The following SLC17A6 variants were observed in gnomAD, a reference collection of about 807,000 sequenced individuals.
SLC17A6 encodes solute carrier family 17 member 6.
Under a neutral mutation model 67.1 loss-of-function variants are expected in SLC17A6, and 35 were observed. That is an observed-to-expected ratio of 0.52 (90% CI 0.40 to 0.69). The LOEUF (loss-of-function observed/expected upper bound fraction) is 0.69, where lower values mean the gene tolerates loss of function less well. SLC17A6 is among the 30% of genes least tolerant of loss of function. SLC17A6 has a pLI of 0.00. For missense variants in SLC17A6, 588 were observed against 723.9 expected, an observed-to-expected ratio of 0.81 and a Z score of 2.15; for synonymous variants, 285 against 252.3, an observed-to-expected ratio of 1.13 and a Z score of -1.23.
At chr11:22,347,239 G>C (rs1346652815) in intron 3 of SLC17A6, among the ~76,000 whole-genome samples, 1 of 140,334 alleles carries the variant, frequency 7.1e-6, no homozygotes, top group African/African-American at 2.7e-5. Flanking sequence ...AAGGTGTTTG[G>C]GGATTAAAAA....
intron 3 of SLC17A6, among the ~76,000 whole-genome samples, chr11:22,357,297 T>C (rs963781858): frequency 3.3e-5 from 5 of 152,214 alleles, no homozygotes; most frequent in African/African-American, 9.7e-5. Context: ...GAAGCGTTAA[T>C]ATGGTATCTA....
In SLC17A6 at chr11:22,347,132, C is replaced by G. The variant is rs75174939; in HGVS notation, c.458+3767C>G. On this transcript the variant is annotated intron_variant, in intron 3 of 11. Transcript: ENST00000263160. ...CTGTTTCTCTAATGGTAGTTTTGCC[C>G]ATGTTGTTGTTTTTTTCATTGCTAT... Among the ~76,000 whole-genome samples the G allele has an allele frequency of 2.5e-3, 378 of 151,572 alleles. 4 individuals carry two copies. Among genetic ancestry groups the G allele is most frequent in the African/African-American group, 8.2e-3 (340 of 41,396 alleles).
intron 2 of SLC17A6, 65 bp downstream of exon 2, chr11:22,341,845 C>T (rs889233997): frequency 1.9e-6 from 3 of 1,559,336 alleles, no homozygotes; most frequent in Non-Finnish European, 2.6e-6. Context: ...AACCACATCT[C>T]CTGTTTGAGC....
chr11:22,353,636 A>T (rs968416548), intron 3 of SLC17A6, among the ~76,000 whole-genome samples: 1 of 152,236 alleles, frequency 6.6e-6, no homozygotes, highest in Non-Finnish European at 1.5e-5. Flanking sequence ...AGAATGGTCA[A>T]AAGCAGAACA....
At chr11:22,375,160 C>G (rs1379818569) in intron 9 of SLC17A6, among the ~76,000 whole-genome samples, 1 of 151,878 alleles carries the variant, frequency 6.6e-6, no homozygotes, top group Non-Finnish European at 1.5e-5. Context: ...ATCACGAGGT[C>G]AGGAGTTCAA....
At chr11:22,377,318 A>G (rs1045356164) in intron 11 of SLC17A6, 87 bp from the exon 12 acceptor site, 2 of 1,234,448 alleles carry the variant, frequency 1.6e-6, no homozygotes, top group Non-Finnish European at 2.3e-6. Context: ...GTTTTATGAA[A>G]ACTCAGTGGT....
intron 2 of SLC17A6, 124 bp downstream of exon 2, chr11:22,341,904 T>C (rs1855820497): frequency 7.2e-7 from 1 of 1,385,228 alleles, no homozygotes; most frequent in Admixed American, 2.4e-5. Flanking sequence ...CCTAAGCTCC[T>C]CTCTGGCTCT....
chr11:22,362,937 T>G (rs1163266538), intron 6 of SLC17A6, 112 bp downstream of exon 6: 2 of 747,746 alleles, frequency 2.7e-6, no homozygotes, highest in African/African-American at 3.5e-5. Flanking sequence ...TACTTACTTA[T>G]TTTCTTCTCT....
chr11:22,369,279 G>A (rs184821231), intron 7 of SLC17A6, among the ~76,000 whole-genome samples: 116 of 152,030 alleles, frequency 7.6e-4, no homozygotes, highest in African/African-American at 2.5e-3. Context: ...GAAACTTTAA[G>A]TACAATTAGG....
chr11:22,345,070 G>T (rs1855861537), intron 3 of SLC17A6, among the ~76,000 whole-genome samples: 1 of 151,830 alleles, frequency 6.6e-6, no homozygotes, highest in African/African-American at 2.4e-5. Flanking sequence ...GACTTTAAGG[G>T]TTTTTTTCAG....
chr11:22,342,260 C>T (rs1855823740), intron 2 of SLC17A6, among the ~76,000 whole-genome samples: 1 of 152,086 alleles, frequency 6.6e-6, no homozygotes, highest in Non-Finnish European at 1.5e-5. Flanking sequence ...GTTTACCTCC[C>T]CCAGGAGGAG....
At chr11:22,372,942 G>T (rs138801337) in intron 8 of SLC17A6, among the ~76,000 whole-genome samples, 1 of 152,164 alleles carries the variant, frequency 6.6e-6, no homozygotes, top group African/African-American at 2.4e-5. Context: ...GTCAAATACA[G>T]AGTATATCCA....
chr11:22,353,376 A>ACAAAT (rs1271636314), intron 3 of SLC17A6, among the ~76,000 whole-genome samples: 3 of 152,018 alleles, frequency 2.0e-5, no homozygotes, highest in Admixed American at 6.6e-5. Flanking sequence ...ACAAAACAAA[A>ACAAAT]CCTCTCATTC....
chr11:22,348,025 A>C (rs1361556422), intron 3 of SLC17A6, among the ~76,000 whole-genome samples: 1 of 152,204 alleles, frequency 6.6e-6, no homozygotes, highest in East Asian at 1.9e-4. Context: ...CACAACAGGA[A>C]GAACCCATAT....
chr11:22,371,647 G>A (rs749808581), intron 8 of SLC17A6, among the ~76,000 whole-genome samples: 8 of 152,126 alleles, frequency 5.3e-5, no homozygotes, highest in Middle Eastern at 3.4e-3. Flanking sequence ...ATGAAACTGT[G>A]TGGTCATTTT....
At chr11:22,356,287 CATGA>C (rs1470380682) in intron 3 of SLC17A6, among the ~76,000 whole-genome samples, 1 of 152,138 alleles carries the variant, frequency 6.6e-6, no homozygotes, top group East Asian at 1.9e-4. Flanking sequence ...AGTGTAAATG[CATGA>C]ATGAATATTG....
intron 1 of SLC17A6, among the ~76,000 whole-genome samples, chr11:22,339,681 A>G (rs1021369204): frequency 4.6e-5 from 7 of 152,224 alleles, no homozygotes; most frequent in Non-Finnish European, 1.0e-4. Flanking sequence ...CTGTAAATGC[A>G]TGAGAAATGT....
chr11:22,374,459 G>A (rs373236172), intron 8 of SLC17A6, among the ~76,000 whole-genome samples: 15 of 150,820 alleles, frequency 9.9e-5, no homozygotes, highest in Middle Eastern at 6.8e-3. Flanking sequence ...GGGTGTATTC[G>A]TGCAAACACA....
chr11:22,340,623 C>T (rs1306455074), intron 1 of SLC17A6, among the ~76,000 whole-genome samples: 1 of 152,048 alleles, frequency 6.6e-6, no homozygotes, highest in Non-Finnish European at 1.5e-5. Context: ...GGAAATGGAC[C>T]CTTGACATTT....
Sources: gnomAD v4.1 joint callset for allele counts (sites outside exome capture counted in the v4.1 genomes callset) on GRCh38, gnomAD v4.1.1 for gene constraint, MANE v1.5 for transcripts, NCBI Gene and HGNC (gene_info 2026-07-23, HGNC 2026-07-21) for gene names.